The following MICAL2 variants were observed in gnomAD, a reference collection of about 807,000 sequenced individuals.
MICAL2 encodes the protein microtubule associated monooxygenase, calponin and LIM domain containing 2.
Under a neutral mutation model 127.3 loss-of-function variants are expected in MICAL2, and 77 were observed. The ratio of observed to expected loss-of-function variants is 0.60; its 90% CI spans 0.50 to 0.73. The LOEUF (loss-of-function observed/expected upper bound fraction) is 0.73. Ranked by LOEUF, MICAL2 falls within the 30% of genes least tolerant of loss-of-function variation. The probability of loss-of-function intolerance (pLI) is 0.00; values close to 1 mark genes in which losing one functional copy is unlikely to be tolerated. For synonymous variants in MICAL2, 570 were observed against 551.1 expected (o/e 1.03, Z -0.48); for missense variants, 1,351 against 1,434.4 (o/e 0.94, Z 0.94).
intron 32 of MICAL2, among the ~76,000 whole-genome samples, chr11:12,332,066 G>A (rs1411438305): frequency 4.0e-5 from 6 of 151,602 alleles, no homozygotes; most frequent in African/African-American, 1.2e-4. Flanking sequence ...CCACACCCCC[G>A]CCACCACCGC....
At position 12,162,203 on chromosome 11, in the gene MICAL2, T is replaced by C. The variant is rs767177305; in HGVS notation, c.48T>C (p.Phe16=). 24 of 1,614,094 alleles carry C rather than the reference T, an allele frequency of 1.5e-5. No individual in the cohort carries two copies. The highest frequency in any genetic ancestry group is 2.0e-5 in the Non-Finnish European group (24 of 1,180,060). ...DEKQAQAGQV[F]ENFVQASTCK... ...AGCAGGCCCAGGCGGGGCAGGTTTT[T>C]GAGAACTTTGTCCAGGCATCCACGT... The change falls in exon 3 of 28, where the codon TTT becomes TTC. Residue 16 remains phenylalanine (F), a synonymous_variant. Transcript: ENST00000683283.
At chr11:12,148,273 A>G (rs4756775) in intron 2 of MICAL2, among the ~76,000 whole-genome samples, 42,668 of 151,964 alleles carry the variant, frequency 0.28, 9,209 homozygotes, top group African/African-American at 0.6. Context: ...TCAGAGGATG[A>G]GCGAGGTTTG....
chr11:12,209,032 A>T (rs1419033919), intron 5 of MICAL2, among the ~76,000 whole-genome samples: 2 of 145,464 alleles, frequency 1.4e-5, no homozygotes, highest in East Asian at 2.1e-4. Context: ...TTTTTTTTTT[A>T]AATAAAAGAC....
At chr11:12,345,196 C>T (rs1263882660) in intron 32 of MICAL2, among the ~76,000 whole-genome samples, 2 of 152,086 alleles carry the variant, frequency 1.3e-5, no homozygotes, top group Non-Finnish European at 2.9e-5. Flanking sequence ...AGAAACCACT[C>T]GTGTTTCGTG....
intron 15 of MICAL2, among the ~76,000 whole-genome samples, chr11:12,233,584 A>T (rs1482034000): frequency 6.6e-6 from 1 of 152,248 alleles, no homozygotes; most frequent in East Asian, 1.9e-4. Context: ...ATTGGCAGAT[A>T]TCTACGTCTT....
intron 22 of MICAL2, among the ~76,000 whole-genome samples, chr11:12,251,665 C>T (rs1402114705): frequency 1.3e-5 from 2 of 150,722 alleles, no homozygotes; most frequent in Admixed American, 1.3e-4. Flanking sequence ...GGCTTTTGGA[C>T]CTAATGAAAG....
chr11:12,323,141 T>C (rs1864317852), intron 30 of MICAL2, among the ~76,000 whole-genome samples: 1 of 152,210 alleles, frequency 6.6e-6, no homozygotes, highest in Admixed American at 6.5e-5. Flanking sequence ...CACCATCACT[T>C]CTTTTTGCTC....
At chr11:12,221,931 C>T (rs1220608370) in intron 10 of MICAL2, among the ~76,000 whole-genome samples, 172 bp downstream of exon 10, 2 of 152,178 alleles carry the variant, frequency 1.3e-5, no homozygotes, top group East Asian at 3.9e-4. Flanking sequence ...ATGCTTTCTC[C>T]ATCATTATCT....
intron 2 of MICAL2, among the ~76,000 whole-genome samples, chr11:12,158,395 A>T (rs1225349063): frequency 6.6e-6 from 1 of 152,046 alleles, no homozygotes; most frequent in Non-Finnish European, 1.5e-5. Context: ...CACATACATG[A>T]TCTCACTGAT....
chr11:12,327,220 T>G (rs1240902550), exon 32 of MICAL2: 1 of 1,551,530 alleles, frequency 6.4e-7, no homozygotes, highest in Admixed American at 2.0e-5. Context: ...AGAGGGCTTC[T>G]GAGATCCAGG....
At chr11:12,326,636 T>C (rs1432453057) in intron 31 of MICAL2, among the ~76,000 whole-genome samples, 1 of 152,214 alleles carries the variant, frequency 6.6e-6, no homozygotes, top group Non-Finnish European at 1.5e-5. Flanking sequence ...AGGTACAATT[T>C]GTAGCTAAGG....
downstream of MICAL2, among the ~76,000 whole-genome samples, chr11:12,287,619 G>A (rs974661223): frequency 5.9e-5 from 9 of 151,748 alleles, no homozygotes; most frequent in Non-Finnish European, 7.4e-5. Context: ...ACATGCACAC[G>A]CACACACACT....
intron 16 of MICAL2, among the ~76,000 whole-genome samples, chr11:12,238,259 G>T (rs1397485808): frequency 6.6e-6 from 1 of 152,192 alleles, no homozygotes; most frequent in Non-Finnish European, 1.5e-5. Context: ...TACTCCTGAG[G>T]CCTGTGGGAG....
intron 6 of MICAL2, among the ~76,000 whole-genome samples, chr11:12,210,242 A>C (rs1316640879): frequency 6.6e-6 from 1 of 152,206 alleles, no homozygotes; most frequent in East Asian, 1.9e-4. Flanking sequence ...CCATTGCCAG[A>C]AAATGCTTCC....
At chr11:12,300,557 G>T (rs1422220798) in intron 29 of MICAL2, among the ~76,000 whole-genome samples, 1 of 152,128 alleles carries the variant, frequency 6.6e-6, no homozygotes, top group Non-Finnish European at 1.5e-5. Flanking sequence ...TAGTAAATTT[G>T]CTGTGGTGTG....
chr11:12,330,829 C>CAG lies in MICAL2; in HGVS notation c.5515+3565_5515+3566dup, dbSNP rs1381650434. ...ACAGAGAGAGAGAGAGAGGGAGAGA[C>CAG]AGACAGAGAGAGAGAGAGACAGAGA... On this transcript the variant is annotated intron_variant, in intron 32 of 34. Coordinates refer to the MICAL2 transcript ENST00000646065. 4.3e-3 allele frequency among the ~76,000 whole-genome samples: 295 copies of CAG among 69,058 alleles called. 5 individuals are homozygous for CAG. The highest frequency in any genetic ancestry group is 0.011 in the African/African-American group (249 of 22,422). 45.3% of individuals were successfully genotyped at this position (69,058 alleles called of 152,430 possible). A position where few individuals can be genotyped will look rare whatever the true frequency, so the allele number is the denominator to read the frequency against.
At chr11:12,296,931 A>G (rs991813877), downstream of MICAL2, among the ~76,000 whole-genome samples, 9 of 151,834 alleles carry the variant, frequency 5.9e-5, no homozygotes, top group Admixed American at 2.0e-4. Context: ...GATGTAACAT[A>G]ATTGATGTAG....
At chr11:12,295,475 C>T (rs1863975609), downstream of MICAL2, among the ~76,000 whole-genome samples, 1 of 123,436 alleles carries the variant, frequency 8.1e-6, no homozygotes, top group African/African-American at 3.0e-5. Context: ...TTTAGAGAGA[C>T]AGGTCTTTCT....
upstream of MICAL2, chr11:12,274,336 A>C (rs2134755294): frequency 6.6e-6 from 1 of 152,380 alleles, no homozygotes; most frequent in Admixed American, 6.5e-5. Context: ...CCTACCGTTC[A>C]CCAGGTACCA....
Sources: allele counts gnomAD v4.1 joint callset (sites outside exome capture counted in the v4.1 genomes callset), GRCh38; gene constraint gnomAD v4.1.1; transcripts MANE v1.5; gene names NCBI Gene and HGNC (gene_info 2026-07-23, HGNC 2026-07-21).